KIAA0232: variants seen among roughly 807,000 people sequenced by gnomAD.
KIAA0232 encodes the protein uncharacterized protein KIAA0232.
KIAA0232 carries 27 observed loss-of-function variants against 122.0 expected under a neutral mutation model. The observed-to-expected ratio is 0.22, with a 90% CI of 0.16 to 0.31. The LOEUF is 0.31. KIAA0232 is among the 10% of genes least tolerant of loss of function. KIAA0232 has a pLI of 1.00. For synonymous variants in KIAA0232, 613 were observed against 587.6 expected, an observed-to-expected ratio of 1.04 and a Z score of -0.63; for missense variants, 1,551 against 1,634.2, an observed-to-expected ratio of 0.95 and a Z score of 0.88.
intron 3 of KIAA0232, among the ~76,000 whole-genome samples, chr4:6,837,886 C>T (rs892253509): frequency 6.7e-6 from 1 of 149,174 alleles, no homozygotes; most frequent in African/African-American, 2.5e-5. Flanking sequence ...CTTGGCTGGG[C>T]ATTAGAGGGA....
Position 6,863,752 on chromosome 4 carries a change from T to G in KIAA0232, c.3370T>G (p.Ser1124Ala). The G allele has an allele frequency of 6.2e-7, 1 of 1,614,054 alleles. No homozygotes were observed. The highest frequency in any genetic ancestry group is 8.5e-7 in the Non-Finnish European group (1 of 1,180,022). ...SELSPGGGSESEFESEKDEAN... is the reference protein window; with the variant it reads ...SELSPGGGSEAEFESEKDEAN... ...ACTGTCCCCAGGAGGAGGAAGCGAG[T>G]CAGAATTTGAATCTGAGAAAGATGA... The change falls in exon 7 of 10, where the codon TCA becomes GCA. Residue 1124 changes from serine to alanine, a missense_variant. Transcript: ENST00000307659.
chr4:6,786,994 A>G (rs566609890), intron 1 of KIAA0232, among the ~76,000 whole-genome samples: 56 of 152,228 alleles, frequency 3.7e-4, no homozygotes, highest in African/African-American at 1.1e-3. Flanking sequence ...CATCCTGGCC[A>G]ACATGGTGAA....
Position 6,855,828 on chromosome 4 carries a change from A to C in KIAA0232, c.370-1336A>C. On this transcript the variant is annotated intron_variant, in intron 4 of 9. Transcript: ENST00000307659. This position sits in a 1 kb window ranked among gnomAD's most constrained non-coding sequence, Gnocchi z 4.3. ...AACAGTATGCAGTGTGTCAGCTGAC[A>C]CTGGTGTTGGTTTCACGATCCGAAG... The C allele has an allele frequency of 2.0e-6, 2 of 985,222 alleles. No homozygotes were observed. Among genetic ancestry groups the C allele is most frequent in the Non-Finnish European group, 2.4e-6 (2 of 829,754 alleles). 61.0% of individuals were successfully genotyped at this position (985,222 alleles called of 1,614,324 possible). A position where few individuals can be genotyped will look rare whatever the true frequency, so the allele number is the denominator to read the frequency against.
At chr4:6,785,243 A>G (rs1167457954) in intron 1 of KIAA0232, among the ~76,000 whole-genome samples, 1 of 152,112 alleles carries the variant, frequency 6.6e-6, no homozygotes, top group African/African-American at 2.4e-5. Flanking sequence ...GGCTGATTAG[A>G]TGGATTTTTA....
Position 6,863,749 on chromosome 4 carries a change from G to A in KIAA0232, c.3367G>A (p.Glu1123Lys), listed in dbSNP as rs1721020183. Residue 1123 changes from glutamate to lysine, a missense_variant, in exon 7 of 10, where the codon GAG becomes AAG. Glu to Lys is a moderately conservative substitution (Grantham distance 56). Coordinates refer to ENST00000307659, the MANE Select transcript of KIAA0232 (RefSeq NM_014743.3). The stretch of plus-strand genomic sequence containing the variant: ...CGAACTGTCCCCAGGAGGAGGAAGC[G>A]AGTCAGAATTTGAATCTGAGAAAGA... ...ASELSPGGGS[E>K]SEFESEKDEA... 1.9e-6 allele frequency: 3 copies of A among 1,614,178 alleles called. No homozygotes were observed. Among genetic ancestry groups the A allele is most frequent in the African/African-American group, 1.3e-5 (1 of 75,050 alleles).
chr4:6,808,020 A>T (rs1158784284), intron 2 of KIAA0232, among the ~76,000 whole-genome samples: 1 of 152,212 alleles, frequency 6.6e-6, no homozygotes, highest in Non-Finnish European at 1.5e-5. Flanking sequence ...GTGAGCTGAG[A>T]TCATGCCACT....
intron 2 of KIAA0232, among the ~76,000 whole-genome samples, chr4:6,819,767 A>C (rs1718330287): frequency 6.6e-6 from 1 of 152,158 alleles, no homozygotes; most frequent in Admixed American, 6.5e-5. Context: ...TCAGAAAAGA[A>C]ATTATTCTAC....
At chr4:6,842,889 C>T (rs114771967) in intron 4 of KIAA0232, among the ~76,000 whole-genome samples, 175 of 152,006 alleles carry the variant, frequency 1.2e-3, no homozygotes, top group African/African-American at 3.5e-3. Flanking sequence ...GCGCCCGGCC[C>T]GCTCTTGATT....
In KIAA0232 at chr4:6,795,066, A is replaced by ATGTTTTGTTTTGTTT. The variant is rs59110833; in HGVS notation, c.-353-9450_-353-9436dup. Among the ~76,000 whole-genome samples, 1,282 of 151,974 alleles carry ATGTTTTGTTTTGTTT rather than the reference A, an allele frequency of 8.4e-3. 21 individuals are homozygous for ATGTTTTGTTTTGTTT. The highest frequency in any genetic ancestry group is 0.03 in the African/African-American group (1,229 of 41,388). On this transcript the variant is annotated intron_variant, in intron 1 of 9. Transcript: ENST00000307659. Reference sequence around the variant, plus strand: ...GTTAAATAAGGCAGCCACAAGCCACATGTTTTGTTTTGTTTTGTTTTTGAG... The same window carrying ATGTTTTGTTTTGTTT: ...GTTAAATAAGGCAGCCACAAGCCACATGTTTTGTTTTGTTTTGTTTTGTTTTGTTTTGTTTTTGAG...
rs1721015394 is a variant in KIAA0232 at position 6,863,684 on chromosome 4, G to A, written c.3302G>A (p.Arg1101Gln). 1.9e-6 allele frequency: 3 copies of A among 1,614,136 alleles called. No individual in the cohort carries two copies. Among genetic ancestry groups the A allele is most frequent in the Admixed American group, 1.7e-5 (1 of 60,020 alleles). The change falls in exon 7 of 10, where the codon CGG becomes CAG. Residue 1101 changes from arginine (R) to glutamine (Q), a missense_variant. Around this residue, in one of 5 missense-constraint regions of KIAA0232, gnomAD observed 1,108 missense variants for 1,154.8 expected, o/e 0.96. Coordinates refer to ENST00000307659, the MANE Select transcript of KIAA0232 (RefSeq NM_014743.3). ...GVDRTQYRAI[R>Q]ISPRTHFRPI... is the part of the protein sequence containing the mutation. ...GACAGAACACAATACAGGGCTATTC[G>A]GATCTCTCCTCGGACTCACTTTCGC...
intron 7 of KIAA0232, among the ~76,000 whole-genome samples, chr4:6,871,234 A>T (rs892732373): frequency 1.3e-5 from 2 of 152,180 alleles, no homozygotes; most frequent in East Asian, 1.9e-4. Flanking sequence ...GGAGTTCGAG[A>T]CCAGCCTGGC....
rs1046310026 is a variant in KIAA0232 at position 6,883,057 on chromosome 4, T to G, written c.*2091T>G. 2 of 152,514 alleles carry G rather than the reference T, an allele frequency of 1.3e-5. No individual in the cohort carries two copies. Among genetic ancestry groups the G allele is most frequent in the African/African-American group, 2.4e-5 (1 of 41,442 alleles). 9.4% of individuals were successfully genotyped at this position (152,514 alleles called of 1,614,324 possible). Reference sequence around the variant, plus strand: ...TGAGCAAAGGGATTCACAAATTATGTATTTATTTGTTTTCATAGTTAAGTA... The same window carrying G: ...TGAGCAAAGGGATTCACAAATTATGGATTTATTTGTTTTCATAGTTAAGTA... On this transcript the variant is annotated 3_prime_UTR_variant, in exon 10 of 10. Coordinates refer to ENST00000307659, the MANE Select transcript of KIAA0232 (RefSeq NM_014743.3).
chr4:6,856,008 C>T (rs1273317981), intron 4 of KIAA0232: 1 of 222,956 alleles, frequency 4.5e-6, no homozygotes, highest in Non-Finnish European at 7.5e-6. Flanking sequence ...TCTTGTCTGG[C>T]CTATTTTTCT....
intron 1 of KIAA0232, among the ~76,000 whole-genome samples, chr4:6,802,312 A>G (rs1025244041): frequency 6.6e-6 from 1 of 152,184 alleles, no homozygotes; most frequent in Non-Finnish European, 1.5e-5. Flanking sequence ...ATGTCGGGTG[A>G]GGCAGTTCTC....
intron 4 of KIAA0232, among the ~76,000 whole-genome samples, chr4:6,850,174 G>A (rs1216085757): frequency 2.0e-5 from 3 of 152,182 alleles, no homozygotes; most frequent in African/African-American, 4.8e-5. Context: ...GGGGTTAGGG[G>A]CTGGGGTATG....
intron 1 of KIAA0232, among the ~76,000 whole-genome samples, chr4:6,795,066 A>ATGTTTTGTTTTGTTTTGTTTTGTTT (rs59110833): frequency 3.3e-5 from 5 of 151,866 alleles, no homozygotes; most frequent in African/African-American, 1.2e-4. Flanking sequence ...CACAAGCCAC[A>ATGTTTTGTTTTGTTTTGTTTTGTTT]TGTTTTGTTT....
chr4:6,799,264 C>T (rs1717270723), intron 1 of KIAA0232, among the ~76,000 whole-genome samples: 1 of 150,046 alleles, frequency 6.7e-6, no homozygotes, highest in African/African-American at 2.5e-5. Flanking sequence ...GAATTAGAGT[C>T]TCTTATCCAA....
At chr4:6,812,953 T>C (rs1468167461) in intron 2 of KIAA0232, among the ~76,000 whole-genome samples, 1 of 152,124 alleles carries the variant, frequency 6.6e-6, no homozygotes, top group Non-Finnish European at 1.5e-5. Context: ...TACAGTGTAT[T>C]ACAAAAAAGG....
In KIAA0232 at chr4:6,863,312, C is replaced by A. The variant is rs1205985100; in HGVS notation, c.2930C>A (p.Thr977Asn). ...VTIAGTDVFM[T>N]PGNSFAPGHR... Reference sequence around the variant, plus strand: ...ATAGCTGGTACAGATGTCTTTATGACCCCAGGAAACAGTTTTGCTCCTGGG... The same window carrying A: ...ATAGCTGGTACAGATGTCTTTATGAACCCAGGAAACAGTTTTGCTCCTGGG... The change falls in exon 7 of 10, where the codon ACC becomes AAC. Residue 977 changes from threonine (T) to asparagine (N), a missense_variant. By Grantham distance (65) the Thr-to-Asn change is moderately conservative. Transcript: ENST00000307659. 3 of 1,613,976 alleles carry A rather than the reference C, an allele frequency of 1.9e-6. No homozygotes were observed. The African/African-American group carries it at 4.0e-5, about 22-fold the overall frequency.
Sources: gnomAD v4.1 joint callset for allele counts (sites outside exome capture counted in the v4.1 genomes callset) on GRCh38, gnomAD v4.1.1 for gene constraint, gnomAD v4.1.1 regional missense constraint, Gnocchi (gnomAD v3.1) non-coding constraint, MANE v1.5 for transcripts, NCBI Gene and HGNC (gene_info 2026-07-23, HGNC 2026-07-21) for gene names.